Variants in SHBG observed in about 807,000 individuals in gnomAD.
SHBG encodes the protein sex hormone-binding globulin.
In SHBG, 37 loss-of-function variants were observed where a neutral mutation model predicts 41.9. The observed-to-expected ratio is 0.88, with a 90% CI of 0.68 to 1.16. The LOEUF (loss-of-function observed/expected upper bound fraction) is 1.16, where lower values mean the gene tolerates loss of function less well. Among genes scored for constraint, SHBG ranks in the 50% most tolerant of loss-of-function variants. The pLI is 0.00. For missense variants in SHBG, 466 were observed against 499.9 expected (o/e 0.93, Z 0.65); for synonymous variants, 217 against 205.8 (o/e 1.05, Z -0.47).
At chr17:7,621,775 G>T (rs879769038) in intron 1 of SHBG, among the ~76,000 whole-genome samples, 3 of 151,912 alleles carry the variant, frequency 2.0e-5, no homozygotes, top group Non-Finnish European at 4.4e-5. Flanking sequence ...GGAGGTTGTG[G>T]CAATTTTCAA....
rs141122772 is a variant in SHBG, at chr17:7,631,937, G to C, written c.774G>C (p.Gln258His). 18 of 1,614,064 alleles carry C rather than the reference G, an allele frequency of 1.1e-5. No homozygotes were observed. The African/African-American group carries it at 2.0e-4, about 18-fold the overall frequency. ...WAFSLDLGLK[Q>H]AAGSGHLLAL... ...TCTCTTTGGACCTGGGACTCAAGCA[G>C]GCAGCAGGCTCAGGCCACCTCCTTG... Residue 258 changes from glutamine (Q) to histidine (H), a missense_variant, in exon 6 of 8, where the codon CAG becomes CAC. Physicochemically the swap from Gln to His is conservative, Grantham distance 24 (BLOSUM62 0). Transcript: ENST00000380450.
At chr17:7,625,360 G>A (rs931692781), upstream of SHBG, among the ~76,000 whole-genome samples, 2 of 150,082 alleles carry the variant, frequency 1.3e-5, no homozygotes, top group African/African-American at 4.9e-5. Flanking sequence ...GGTGGATCAC[G>A]AGGTCAGGAG....
chr17:7,632,626 G>T, intron 6 of SHBG, 126 bp from the exon 7 acceptor site: 1 of 754,728 alleles, frequency 1.3e-6, no homozygotes. Context: ...TAAGTGGTGA[G>T]AATGGCCAGT....
upstream of SHBG, among the ~76,000 whole-genome samples, chr17:7,625,225 A>G (rs1249879977): frequency 2.6e-5 from 4 of 151,862 alleles, no homozygotes; most frequent in East Asian, 7.7e-4. Context: ...CTGGGATCAC[A>G]GGCATAAGCC....
chr17:7,619,116 C>T (rs954919021), intron 1 of SHBG, among the ~76,000 whole-genome samples: 3 of 152,270 alleles, frequency 2.0e-5, no homozygotes, highest in East Asian at 3.9e-4. Context: ...TGAGGCCAGG[C>T]ATGGTGGCTC....
chr17:7,632,278 C>CT (rs2072443139), intron 6 of SHBG, among the ~76,000 whole-genome samples: 1 of 148,176 alleles, frequency 6.7e-6, no homozygotes, highest in Non-Finnish European at 1.5e-5. Context: ...AGACCTCTGT[C>CT]TAAAAAAAAA....
chr17:7,620,505 C>T (rs1169827406), intron 1 of SHBG, among the ~76,000 whole-genome samples: 3 of 151,934 alleles, frequency 2.0e-5, no homozygotes, highest in South Asian at 2.1e-4. Flanking sequence ...TTAGTAGAGA[C>T]GGGTGGGGTT....
At chr17:7,614,226 C>T (rs1360866081) in intron 1 of SHBG, 4 of 685,682 alleles carry the variant, frequency 5.8e-6, no homozygotes, top group Admixed American at 4.0e-5. Flanking sequence ...TTCATTCTCC[C>T]GGAGATGGGG....
chr17:7,615,429 C>T (rs1441508569), intron 1 of SHBG, among the ~76,000 whole-genome samples: 1 of 152,300 alleles, frequency 6.6e-6, no homozygotes, highest in Non-Finnish European at 1.5e-5. Flanking sequence ...TATGCATCGC[C>T]GATATTTTAA....
upstream of SHBG, chr17:7,626,814 C>CA: frequency 6.2e-7 from 1 of 1,613,530 alleles, no homozygotes. Flanking sequence ...GAGAAAGAGG[C>CA]AAAAAATAGC....
intron 1 of SHBG, among the ~76,000 whole-genome samples, chr17:7,617,475 C>T (rs1011756850): frequency 2.6e-5 from 4 of 151,924 alleles, no homozygotes; most frequent in South Asian, 2.1e-4. Flanking sequence ...TGGTGGCACG[C>T]GCTTGTAGTC....
chr17:7,617,028 C>A (rs1297898012), intron 1 of SHBG, among the ~76,000 whole-genome samples: 2 of 152,158 alleles, frequency 1.3e-5, no homozygotes, highest in Non-Finnish European at 2.9e-5. Context: ...GAAAACTTCA[C>A]ATTCTGGGAG....
intron 1 of SHBG, among the ~76,000 whole-genome samples, chr17:7,616,451 CAAAAAAAAAAAA>C (rs71159512): frequency 3.0e-5 from 3 of 101,542 alleles, no homozygotes; most frequent in African/African-American, 1.4e-4. Context: ...ACTAAAAATA[CAAAAAAAAAAAA>C]AAAAAAAAAA....
At chr17:7,632,094 A>G in intron 6 of SHBG, 79 bp downstream of exon 6, 1 of 1,451,104 alleles carries the variant, frequency 6.9e-7, no homozygotes, top group Non-Finnish European at 9.6e-7. Flanking sequence ...CAACATGTCA[A>G]TATTAGGAAG....
intron 6 of SHBG, 52 bp from the exon 7 acceptor site, chr17:7,632,700 C>G: frequency 7.0e-7 from 1 of 1,438,384 alleles, no homozygotes; most frequent in East Asian, 2.3e-5. Flanking sequence ...GGCAGTAGGC[C>G]CGGCTCATTC....
intron 6 of SHBG, 126 bp downstream of exon 6, chr17:7,632,141 C>A: frequency 9.5e-7 from 1 of 1,057,996 alleles, no homozygotes; most frequent in Non-Finnish European, 1.4e-6. Flanking sequence ...ACTGGCTCCA[C>A]AGAATTGTTT....
In SHBG at chr17:7,631,586, C is replaced by A. The variant is rs755160144; in HGVS notation, c.556-3C>A. On this transcript the variant is annotated splice_region_variant and splice_polypyrimidine_tract_variant and intron_variant, in intron 4 of 7. Transcript: ENST00000380450. Reference sequence around the variant, plus strand: ...CCCGTATCTTATCTCTGTCACACTCCAGCTGGTTCCTGCCCTGGATGGCTG... The same window carrying A: ...CCCGTATCTTATCTCTGTCACACTCAAGCTGGTTCCTGCCCTGGATGGCTG... The A allele has an allele frequency of 6.2e-7, 1 of 1,613,994 alleles. No individual in the cohort carries two copies. The highest frequency in any genetic ancestry group is 1.3e-5 in the African/African-American group (1 of 74,920).
upstream of SHBG, among the ~76,000 whole-genome samples, chr17:7,625,298 G>T (rs958898408): frequency 4.6e-5 from 7 of 151,730 alleles, no homozygotes; most frequent in Non-Finnish European, 1.0e-4. Flanking sequence ...AGACTGTCAG[G>T]CCAGGCGTGG....
chr17:7,631,821 C>T (rs2072427367), intron 5 of SHBG, 58 bp from the exon 6 acceptor site: 3 of 1,613,234 alleles, frequency 1.9e-6, no homozygotes, highest in Non-Finnish European at 1.7e-6. Context: ...TACCACTGGC[C>T]CCTTTCCTCC....
Sources: allele counts gnomAD v4.1 joint callset (sites outside exome capture counted in the v4.1 genomes callset), GRCh38; gene constraint gnomAD v4.1.1; transcripts MANE v1.5; gene names NCBI Gene and HGNC (gene_info 2026-07-23, HGNC 2026-07-21).